FCHO2: variants seen among roughly 807,000 people sequenced by gnomAD.
FCHO2 encodes FCH and mu domain containing endocytic adaptor 2, also known as F-BAR domain only protein 2.
FCHO2 carries 43 observed loss-of-function variants against 114.1 expected under a neutral mutation model. The ratio of observed to expected loss-of-function variants is 0.38; its 90% CI spans 0.30 to 0.49. The LOEUF (loss-of-function observed/expected upper bound fraction) is 0.49, where lower values mean the gene tolerates loss of function less well. Ranked by LOEUF, FCHO2 falls within the 20% of genes least tolerant of loss-of-function variation. FCHO2 has a pLI of 0.97. For synonymous variants in FCHO2, 293 were observed against 315.2 expected (o/e 0.93, Z 0.75); for missense variants, 807 against 950.4 (o/e 0.85, Z 1.98).
chr5:72,968,167 G>T (rs556442296), intron 1 of FCHO2, among the ~76,000 whole-genome samples: 1 of 151,702 alleles, frequency 6.6e-6, no homozygotes, highest in Non-Finnish European at 1.5e-5. Context: ...CTCGTGATCC[G>T]CCCACCTCGG....
intron 6 of FCHO2, among the ~76,000 whole-genome samples, chr5:73,008,870 T>C (rs1220892500): frequency 6.6e-6 from 1 of 152,202 alleles, no homozygotes; most frequent in Admixed American, 6.5e-5. Flanking sequence ...AATAATACTA[T>C]ATATCTTTAT....
chr5:72,964,298 T>G (rs893275363), intron 1 of FCHO2, among the ~76,000 whole-genome samples: 1 of 152,184 alleles, frequency 6.6e-6, no homozygotes, highest in African/African-American at 2.4e-5. Context: ...GTAGTAAGAT[T>G]TCTTTCCTTC....
At chr5:72,996,390 CAT>C (rs1477487864) in intron 5 of FCHO2, among the ~76,000 whole-genome samples, 6 of 152,076 alleles carry the variant, frequency 3.9e-5, no homozygotes, top group Admixed American at 6.5e-5. Flanking sequence ...AAAAGAATGA[CAT>C]GTATTAACGT....
intron 10 of FCHO2, 109 bp downstream of exon 10, chr5:73,037,324 A>G (rs1756563527): frequency 1.6e-6 from 1 of 625,726 alleles, no homozygotes; most frequent in African/African-American, 1.9e-5. Flanking sequence ...TCAAAAGTAT[A>G]TGTGTAAGGT....
intron 2 of FCHO2, among the ~76,000 whole-genome samples, chr5:72,972,640 T>C: frequency 6.6e-6 from 1 of 152,208 alleles, no homozygotes; most frequent in Non-Finnish European, 1.5e-5. Flanking sequence ...AATCATGCCA[T>C]CTGCAAACAA....
At chr5:73,020,736 C>T (rs1248731888) in intron 8 of FCHO2, 1 of 1,181,138 alleles carries the variant, frequency 8.5e-7, no homozygotes, top group Middle Eastern at 2.8e-4. Flanking sequence ...GTTCTACATC[C>T]ACCTTCTCCA....
At chr5:72,995,752 A>G (rs1754057769) in intron 5 of FCHO2, among the ~76,000 whole-genome samples, 2 of 151,938 alleles carry the variant, frequency 1.3e-5, no homozygotes, top group Non-Finnish European at 2.9e-5. Flanking sequence ...TGTCAGTCCT[A>G]TTTCCATGAT....
rs541075464 is a variant in FCHO2, at chr5:73,075,242, T to G, written c.1691+389T>G. 2.0e-3 allele frequency among the ~76,000 whole-genome samples: 301 copies of G among 152,302 alleles called. 2 individuals are homozygous for G. The highest frequency in any genetic ancestry group is 2.8e-3 in the Non-Finnish European group (191 of 68,028). ...AGGGTTAGAGGCTAGAGAATAACAT[T>G]AGATAGAGGGCTACTATTTTAGATA... On this transcript the variant is annotated intron_variant, in intron 20 of 25. Transcript: ENST00000430046.
intron 8 of FCHO2, chr5:73,020,670 C>A: frequency 9.1e-7 from 1 of 1,104,236 alleles, no homozygotes; most frequent in East Asian, 2.4e-5. Flanking sequence ...AATACTAGAC[C>A]GCAAGGAACA....
chr5:73,045,960 A>G (rs1311782849), intron 11 of FCHO2, among the ~76,000 whole-genome samples: 2 of 152,110 alleles, frequency 1.3e-5, no homozygotes, highest in African/African-American at 4.8e-5. Flanking sequence ...TTAGAATTAC[A>G]TTGTGACTTT....
intron 6 of FCHO2, among the ~76,000 whole-genome samples, chr5:73,011,752 A>C (rs551828516): frequency 6.6e-6 from 1 of 152,232 alleles, no homozygotes; most frequent in South Asian, 2.1e-4. Flanking sequence ...CTTTAATAAA[A>C]ATACAGAAAT....
chr5:73,015,335 T>C (rs1412388712), intron 6 of FCHO2, among the ~76,000 whole-genome samples: 1 of 151,586 alleles, frequency 6.6e-6, no homozygotes, highest in Non-Finnish European at 1.5e-5. Context: ...TGATCTGGGC[T>C]CACTGGAACC....
intron 2 of FCHO2, among the ~76,000 whole-genome samples, chr5:72,986,474 G>C (rs1293859894): frequency 6.6e-6 from 1 of 152,122 alleles, no homozygotes; most frequent in East Asian, 1.9e-4. Context: ...ATACCCCCAA[G>C]GAAGAAGCTG....
At chr5:73,072,387 A>T (rs1303304688) in intron 19 of FCHO2, among the ~76,000 whole-genome samples, 1 of 152,066 alleles carries the variant, frequency 6.6e-6, no homozygotes, top group Non-Finnish European at 1.5e-5. Context: ...CATATGATCC[A>T]GCAATTTTAC....
chr5:72,988,153 A>C (rs1753634443), intron 2 of FCHO2, among the ~76,000 whole-genome samples: 1 of 152,132 alleles, frequency 6.6e-6, no homozygotes, highest in Admixed American at 6.5e-5. Flanking sequence ...TAAGAAGGCC[A>C]AACAGGCCGG....
In FCHO2 at chr5:72,981,275, A is replaced by G. The variant is rs910001205; in HGVS notation, c.126-8152A>G. ...TTAAGAATGTTGAAAATTGGCCCCC[A>G]CTGTCTTCTGGCTTGTAGGGTTTCT... On this transcript the variant is annotated intron_variant, in intron 2 of 25. Transcript: ENST00000430046. Among the ~76,000 whole-genome samples the G allele has an allele frequency of 8.9e-4, 136 of 152,224 alleles. 1 individual carries two copies. Among genetic ancestry groups the G allele is most frequent in the Admixed American group, 3.5e-3 (53 of 15,280 alleles).
At chr5:73,010,722 C>A (rs892542841) in intron 6 of FCHO2, among the ~76,000 whole-genome samples, 1 of 151,598 alleles carries the variant, frequency 6.6e-6, no homozygotes, top group Non-Finnish European at 1.5e-5. Flanking sequence ...ACTAAAAATA[C>A]AAAACTTAGC....
At position 73,054,156 on chromosome 5, in the gene FCHO2, C is replaced by T; in HGVS notation, c.1174-4C>T. On this transcript the variant is annotated splice_polypyrimidine_tract_variant and splice_region_variant and intron_variant, in intron 13 of 25. Coordinates refer to ENST00000430046, the MANE Select transcript of FCHO2 (RefSeq NM_138782.3). The stretch of plus-strand genomic sequence containing the variant: ...AATTTTCTTTTTCTTCCATGTACTA[C>T]TAGAGACACAGTCCAGTAAGTACAA... 2.0e-6 allele frequency: 3 copies of T among 1,518,462 alleles called. No individual in the cohort carries two copies. Among genetic ancestry groups the T allele is most frequent in the Non-Finnish European group, 2.7e-6 (3 of 1,128,656 alleles). The allele number at this position is 1,518,462 out of a possible 1,614,324, so 94.1% of individuals were successfully genotyped here. A position where few individuals can be genotyped will look rare whatever the true frequency, so the allele number is the denominator to read the frequency against.
chr5:72,989,407 G>A lies in FCHO2; in HGVS notation c.126-20G>A, dbSNP rs553676077. ...GTCACTAAATAAGAAGTATTATGAT[G>A]TGGATATTTGATTTAACAGAGCTAC... is the stretch of plus-strand genomic sequence containing the variant. On this transcript the variant is annotated intron_variant, in intron 2 of 25. Coordinates refer to ENST00000430046, the MANE Select transcript of FCHO2 (RefSeq NM_138782.3). 13 of 1,579,590 alleles carry A rather than the reference G, an allele frequency of 8.2e-6. No homozygotes were observed. The highest frequency in any genetic ancestry group is 1.3e-5 in the African/African-American group (1 of 74,412).
Sources: allele counts gnomAD v4.1 joint callset (sites outside exome capture counted in the v4.1 genomes callset), GRCh38; gene constraint gnomAD v4.1.1; transcripts MANE v1.5; gene names NCBI Gene and HGNC (gene_info 2026-07-23, HGNC 2026-07-21).